Variants in ITCH observed in about 807,000 individuals in gnomAD.
The protein encoded by ITCH is itchy E3 ubiquitin protein ligase, also known as E3 ubiquitin-protein ligase Itchy homolog.
ITCH carries 28 observed loss-of-function variants against 126.8 expected under a neutral mutation model. That is an observed-to-expected ratio of 0.22 (90% CI 0.16 to 0.30). ITCH has a LOEUF of 0.30. Ranked by LOEUF, ITCH falls within the 10% of genes least tolerant of loss-of-function variation. The pLI, the probability that ITCH is intolerant of heterozygous loss-of-function variation, is 1.00. For missense variants in ITCH, 631 were observed against 1,032.4 expected, an observed-to-expected ratio of 0.61 and a Z score of 5.33; for synonymous variants, 342 against 340.0, an observed-to-expected ratio of 1.01 and a Z score of -0.06.
At chr20:34,504,508 T>C (rs922642097) in intron 24 of ITCH, 105 bp downstream of exon 24, 1 of 767,514 alleles carries the variant, frequency 1.3e-6, no homozygotes, top group Admixed American at 2.0e-5. Context: ...ATTTACAGAA[T>C]AGCACAGCCA....
intron 21 of ITCH, 68 bp from the exon 22 acceptor site, chr20:34,489,754 T>C (rs1989382068): frequency 2.0e-6 from 2 of 1,015,198 alleles, no homozygotes; most frequent in Admixed American, 3.4e-5. Flanking sequence ...TTAATCTTAG[T>C]CTTTCCTATG....
At chr20:34,395,437 A>G (rs2146082484) in intron 3 of ITCH, among the ~76,000 whole-genome samples, 1 of 152,266 alleles carries the variant, frequency 6.6e-6, no homozygotes, top group East Asian at 1.9e-4. Context: ...CAGGGGTCAG[A>G]GAGACCTTGA....
chr20:34,390,261 T>C (rs1345151050), intron 2 of ITCH, among the ~76,000 whole-genome samples: 3 of 152,180 alleles, frequency 2.0e-5, no homozygotes, highest in African/African-American at 7.2e-5. Flanking sequence ...CTATAAATTA[T>C]AGATTATCTA....
chr20:34,504,032 C>A (rs1321878035), intron 23 of ITCH, among the ~76,000 whole-genome samples: 2 of 151,890 alleles, frequency 1.3e-5, no homozygotes, highest in Admixed American at 1.3e-4. Context: ...AGGCATACGC[C>A]ACCACACTTG....
intron 7 of ITCH, among the ~76,000 whole-genome samples, chr20:34,429,294 A>G (rs1981969005): frequency 6.6e-6 from 1 of 152,186 alleles, no homozygotes; most frequent in African/African-American, 2.4e-5. Context: ...ACAATTCTGT[A>G]TACTGTATAG....
intron 6 of ITCH, among the ~76,000 whole-genome samples, chr20:34,421,269 C>T (rs1363351090): frequency 2.0e-5 from 3 of 152,176 alleles, no homozygotes; most frequent in African/African-American, 4.8e-5. Context: ...TGCTCACCAC[C>T]ATACCTGGCT....
chr20:34,417,967 CTTTTT>C (rs796201494), intron 6 of ITCH, among the ~76,000 whole-genome samples: 2 of 137,398 alleles, frequency 1.5e-5, no homozygotes, highest in Admixed American at 7.3e-5. Flanking sequence ...TTACTTTCAA[CTTTTT>C]TTTTTTTTTT....
At chr20:34,417,248 C>T in intron 6 of ITCH, 1 of 587,546 alleles carries the variant, frequency 1.7e-6, no homozygotes, top group Non-Finnish European at 3.1e-6. Flanking sequence ...AGGTATGCAC[C>T]ACCACGCCTG....
chr20:34,399,952 T>C (rs567548133), intron 3 of ITCH, among the ~76,000 whole-genome samples: 4 of 152,192 alleles, frequency 2.6e-5, no homozygotes, highest in African/African-American at 9.6e-5. Context: ...TTTTTGTTTT[T>C]TTTTTAAGAC....
At chr20:34,384,200 A>G (rs1234144379) in intron 2 of ITCH, 2 of 150,044 alleles carry the variant, frequency 1.3e-5, no homozygotes, top group Non-Finnish European at 3.0e-5. Context: ...TGGAGAAGGA[A>G]CAAAGAAATC....
chr20:34,467,131 A>G (rs1396159068), intron 14 of ITCH, among the ~76,000 whole-genome samples: 1 of 152,262 alleles, frequency 6.6e-6, no homozygotes, highest in African/African-American at 2.4e-5. Context: ...TTAACATTTT[A>G]GATCAAATGG....
chr20:34,452,943 G>A (rs907644024), intron 12 of ITCH, among the ~76,000 whole-genome samples: 3 of 152,182 alleles, frequency 2.0e-5, no homozygotes, highest in African/African-American at 7.2e-5. Flanking sequence ...TAGGTGCTTC[G>A]CCAATCAAGT....
At chr20:34,443,446 G>A (rs896827214) in intron 10 of ITCH, among the ~76,000 whole-genome samples, 2 of 151,770 alleles carry the variant, frequency 1.3e-5, no homozygotes, top group Non-Finnish European at 2.9e-5. Context: ...AGGTGGAGGT[G>A]CAGTGAGCTG....
intron 23 of ITCH, among the ~76,000 whole-genome samples, chr20:34,501,777 C>A (rs866496119): frequency 5.2e-3 from 544 of 104,116 alleles, no homozygotes; most frequent in African/African-American, 7.2e-3. Context: ...CTCCATCTCT[C>A]AAAAAAAAAA....
At chr20:34,444,350 G>A (rs1327111483) in intron 10 of ITCH, among the ~76,000 whole-genome samples, 4 of 152,154 alleles carry the variant, frequency 2.6e-5, no homozygotes, top group Non-Finnish European at 2.9e-5. Flanking sequence ...TTGGGAGGCC[G>A]AGGTGGGCGG....
intron 3 of ITCH, among the ~76,000 whole-genome samples, chr20:34,397,753 A>G (rs575665918): frequency 2.7e-4 from 41 of 152,118 alleles, no homozygotes; most frequent in African/African-American, 8.9e-4. Context: ...CTCATCCTCA[A>G]TCTAGCTTGA....
intron 12 of ITCH, among the ~76,000 whole-genome samples, chr20:34,455,626 C>T (rs76573266): frequency 4.7e-5 from 6 of 128,878 alleles, no homozygotes; most frequent in African/African-American, 1.7e-4. Flanking sequence ...CCATGCCTGG[C>T]TAATTTTTTT....
chr20:34,449,845 G>A (rs530549289), intron 12 of ITCH, among the ~76,000 whole-genome samples: 1 of 152,250 alleles, frequency 6.6e-6, no homozygotes, highest in African/African-American at 2.4e-5. Flanking sequence ...CACAACCTGT[G>A]TGATTCAATT....
intron 19 of ITCH, 149 bp from the exon 20 acceptor site, chr20:34,480,917 A>G: frequency 9.7e-7 from 1 of 1,025,942 alleles, no homozygotes; most frequent in Non-Finnish European, 1.4e-6. Flanking sequence ...TTCGGCAATA[A>G]TATGACCTTA....
Sources: allele counts gnomAD v4.1 joint callset (sites outside exome capture counted in the v4.1 genomes callset), GRCh38; gene constraint gnomAD v4.1.1; transcripts MANE v1.5; gene names NCBI Gene and HGNC (gene_info 2026-07-23, HGNC 2026-07-21).